LHCGR: variants seen among roughly 807,000 people sequenced by gnomAD.
LHCGR encodes the protein luteinizing hormone/choriogonadotropin receptor, also known as lutropin-choriogonadotropic hormone receptor.
A neutral mutation model predicts 60.7 loss-of-function variants in LHCGR; 55 were observed. That is an observed-to-expected ratio of 0.91 (90% CI 0.73 to 1.13). LHCGR has a LOEUF of 1.13. LHCGR is among the 50% of genes most tolerant of loss of function. LHCGR has a pLI of 0.00. For missense variants in LHCGR, 862 were observed against 836.0 expected (o/e 1.03, Z -0.38); for synonymous variants, 337 against 316.5 (o/e 1.06, Z -0.69).
intron 7 of LHCGR, among the ~76,000 whole-genome samples, chr2:48,711,755 T>G (rs1287546246): frequency 6.6e-6 from 1 of 152,186 alleles, no homozygotes; most frequent in Non-Finnish European, 1.5e-5. Context: ...CCTGTTCAGG[T>G]GACCTCAGCC....
At chr2:48,754,299 C>G (rs757802142) in intron 1 of LHCGR, among the ~76,000 whole-genome samples, 17 of 152,200 alleles carry the variant, frequency 1.1e-4, no homozygotes, top group Non-Finnish European at 2.1e-4. Context: ...CTCTATGAAA[C>G]AGCCCGTGAC....
intron 8 of LHCGR, among the ~76,000 whole-genome samples, chr2:48,703,985 T>C (rs1667535214): frequency 6.6e-6 from 1 of 152,182 alleles, no homozygotes; most frequent in Admixed American, 6.5e-5. Flanking sequence ...AGGGAATGCT[T>C]CCAGTTTTTG....
chr2:48,750,888 G>A (rs769356749), intron 1 of LHCGR, among the ~76,000 whole-genome samples: 1 of 152,200 alleles, frequency 6.6e-6, no homozygotes, highest in Non-Finnish European at 1.5e-5. Flanking sequence ...CAGCGCTCCT[G>A]GCCAGGGATG....
intron 6 of LHCGR, among the ~76,000 whole-genome samples, chr2:48,722,659 G>GT (rs1241900460): frequency 2.0e-5 from 3 of 152,166 alleles, no homozygotes; most frequent in Non-Finnish European, 4.4e-5. Context: ...CATCAGTATT[G>GT]TAAGTTTCCT....
chr2:48,717,833 C>CTTTTTTTTT (rs10711529), intron 6 of LHCGR, among the ~76,000 whole-genome samples: 1 of 68,988 alleles, frequency 1.4e-5, no homozygotes, highest in Non-Finnish European at 2.7e-5. Context: ...TTTTCCATGT[C>CTTTTTTTTT]TTTTTTTTTT....
In LHCGR at chr2:48,714,045, A is replaced by G. The variant is rs531991686; in HGVS notation, c.546T>C (p.Tyr182=). ...MNNESVTLKL[Y]GNGFEEVQSH... ...TTTGTACTTCTTCAAATCCATTTCC[A>G]TATAGTTTGCTGAAGGAGGGAGGAG... The change falls in exon 7 of 11, where the codon TAT becomes TAC. Residue 182 remains tyrosine (Y), a synonymous_variant. Coordinates refer to ENST00000294954, the MANE Select transcript of LHCGR (RefSeq NM_000233.4). The G allele has an allele frequency of 5.0e-5, 81 of 1,612,438 alleles. No individual in the cohort carries two copies. Among genetic ancestry groups the G allele is most frequent in the Admixed American group, 8.3e-5 (5 of 59,980 alleles).
intron 1 of LHCGR, among the ~76,000 whole-genome samples, chr2:48,739,473 T>C (rs947922463): frequency 2.6e-5 from 4 of 152,168 alleles, no homozygotes; most frequent in African/African-American, 7.2e-5. Flanking sequence ...CATGGAATAC[T>C]ATGCAGCCAT....
At chr2:48,713,899 G>A in intron 7 of LHCGR, 87 bp downstream of exon 7, 5 of 1,057,366 alleles carry the variant, frequency 4.7e-6, no homozygotes, top group Non-Finnish European at 7.3e-6. Context: ...TTTGCCCTGA[G>A]TTAGTTGCTG....
intron 1 of LHCGR, among the ~76,000 whole-genome samples, chr2:48,742,118 G>A (rs1304103720): frequency 3.9e-5 from 6 of 151,912 alleles, no homozygotes; most frequent in African/African-American, 1.4e-4. Context: ...ATGGTAAAGG[G>A]ATCAATTCAA....
chr2:48,689,195 T>C (rs1441080780), intron 10 of LHCGR, among the ~76,000 whole-genome samples: 3 of 151,478 alleles, frequency 2.0e-5, no homozygotes, highest in Admixed American at 6.6e-5. Flanking sequence ...ATATATATAC[T>C]ATACATACAT....
At chr2:48,716,157 C>T (rs887948597) in intron 6 of LHCGR, among the ~76,000 whole-genome samples, 1 of 152,154 alleles carries the variant, frequency 6.6e-6, no homozygotes, top group Admixed American at 6.5e-5. Context: ...TCAAGTTACA[C>T]CCCACAGCTT....
intron 3 of LHCGR, among the ~76,000 whole-genome samples, chr2:48,726,126 G>C (rs1001779757): frequency 6.6e-6 from 1 of 152,096 alleles, no homozygotes; most frequent in African/African-American, 2.4e-5. Flanking sequence ...ACTCCTCTCA[G>C]GAGAGATGAG....
At chr2:48,741,693 G>A (rs1226778518) in intron 1 of LHCGR, among the ~76,000 whole-genome samples, 7 of 151,312 alleles carry the variant, frequency 4.6e-5, no homozygotes, top group African/African-American at 1.2e-4. Context: ...TGAAGGAAGC[G>A]CTAAACATGG....
At chr2:48,740,792 C>A (rs1308246618) in intron 1 of LHCGR, among the ~76,000 whole-genome samples, 1 of 152,224 alleles carries the variant, frequency 6.6e-6, no homozygotes, top group South Asian at 2.1e-4. Context: ...TGCCTCTCCT[C>A]CTCCAAAGGA....
At position 48,688,989 on chromosome 2, in the gene LHCGR, A is replaced by G. The variant is rs1680055904; in HGVS notation, c.948-140T>C. The G allele has an allele frequency of 2.5e-6, 2 of 784,906 alleles. No individual in the cohort carries two copies. Among genetic ancestry groups the G allele is most frequent in the South Asian group, 3.3e-5 (2 of 60,014 alleles). The allele number at this position is 784,906 out of a possible 1,614,324, so 48.6% of individuals were successfully genotyped here. On this transcript the variant is annotated intron_variant, in intron 10 of 10. Coordinates refer to ENST00000294954, the MANE Select transcript of LHCGR (RefSeq NM_000233.4). This position sits in a 1 kb window ranked among gnomAD's most constrained non-coding sequence, Gnocchi z 5.2. Reference sequence around the variant, plus strand: ...CAGCCTTACATTTATTTGTTAAATTATTTGAGAACTCTGATTTGATGTAGG... The same window carrying G: ...CAGCCTTACATTTATTTGTTAAATTGTTTGAGAACTCTGATTTGATGTAGG...
chr2:48,723,950 T>A (rs1306409205), intron 4 of LHCGR, among the ~76,000 whole-genome samples: 1 of 152,170 alleles, frequency 6.6e-6, no homozygotes, highest in Non-Finnish European at 1.5e-5. Flanking sequence ...GGGGCCAAAT[T>A]TAAAGGTCTT....
At chr2:48,737,140 C>G (rs76750192) in intron 1 of LHCGR, among the ~76,000 whole-genome samples, 1 of 152,224 alleles carries the variant, frequency 6.6e-6, no homozygotes, top group Admixed American at 6.5e-5. Flanking sequence ...ACTTTTCCTT[C>G]TGCCCAACAC....
rs1679933046 is a variant in LHCGR, at chr2:48,687,141, G to A, written c.*556C>T. On this transcript the variant is annotated 3_prime_UTR_variant, in exon 11 of 11. Coordinates refer to ENST00000294954, the MANE Select transcript of LHCGR (RefSeq NM_000233.4). ...AAATATTCTGTGTCTGTGCTGTCCA[G>A]TATGGTAAGCACTAGTCACACGTAG... is the stretch of plus-strand genomic sequence containing the variant. 6.4e-6 allele frequency: 1 copy of A among 155,076 alleles called. No homozygotes were observed. The highest frequency in any genetic ancestry group is 2.4e-5 in the African/African-American group (1 of 41,456). The allele number at this position is 155,076 out of a possible 1,614,324, so 9.6% of individuals were successfully genotyped here.
Position 48,697,015 on chromosome 2 carries a change from C to T in LHCGR, c.866+1600G>A, listed in dbSNP as rs149316138. Among the ~76,000 whole-genome samples the T allele has an allele frequency of 3.3e-3, 501 of 152,292 alleles. 16 individuals are homozygous for T. The highest frequency in any genetic ancestry group is 9.7e-4 in the East Asian group (5 of 5,174). On this transcript the variant is annotated intron_variant, in intron 9 of 10. Coordinates refer to ENST00000294954, the MANE Select transcript of LHCGR (RefSeq NM_000233.4). ...ATAAAAGCAAATTTGAGTCATCTTG[C>T]TTAAAAGTCTTCATGGCTCCCCATC...
Sources: allele counts gnomAD v4.1 joint callset (sites outside exome capture counted in the v4.1 genomes callset), GRCh38; gene constraint gnomAD v4.1.1; non-coding constraint Gnocchi (gnomAD v3.1); transcripts MANE v1.5; gene names NCBI Gene and HGNC (gene_info 2026-07-23, HGNC 2026-07-21).